The following MYCBP2 variants were observed in gnomAD, a reference collection of about 807,000 sequenced individuals.
The protein encoded by MYCBP2 is E3 ubiquitin-protein ligase MYCBP2.
Under a neutral mutation model 525.3 loss-of-function variants are expected in MYCBP2, and 120 were observed. That is an observed-to-expected ratio of 0.23 (90% CI 0.20 to 0.27). The LOEUF is 0.27. MYCBP2 is among the 10% of genes least tolerant of loss of function. The probability of loss-of-function intolerance (pLI) is 1.00; values close to 1 mark genes in which losing one functional copy is unlikely to be tolerated. For missense variants in MYCBP2, 4,149 were observed against 5,657.1 expected (o/e 0.73, Z 8.55); for synonymous variants, 1,894 against 1,955.8 (o/e 0.97, Z 0.83).
chr13:77,062,964 T>G (rs938287817), intron 73 of MYCBP2, among the ~76,000 whole-genome samples: 2 of 152,226 alleles, frequency 1.3e-5, no homozygotes, highest in Admixed American at 6.5e-5. Context: ...CAAATAAAAT[T>G]ATCCTTTATT....
chr13:77,114,141 T>C (rs917531478), intron 55 of MYCBP2, among the ~76,000 whole-genome samples: 1 of 152,134 alleles, frequency 6.6e-6, no homozygotes, highest in Admixed American at 6.6e-5. Flanking sequence ...GCAGTCTAAA[T>C]ACATTAAGAA....
At chr13:77,254,149 T>G (rs1190019275) in intron 14 of MYCBP2, among the ~76,000 whole-genome samples, 1 of 151,834 alleles carries the variant, frequency 6.6e-6, no homozygotes, top group Non-Finnish European at 1.5e-5. Context: ...AATAACAGAT[T>G]AACACTTATA....
At chr13:77,091,405 C>T (rs1183320238) in intron 59 of MYCBP2, among the ~76,000 whole-genome samples, 2 of 144,208 alleles carry the variant, frequency 1.4e-5, no homozygotes, top group Non-Finnish European at 3.1e-5. Context: ...AAAAATTACA[C>T]AAATTTAAAA....
intron 55 of MYCBP2, among the ~76,000 whole-genome samples, chr13:77,120,201 C>A (rs1470357387): frequency 2.0e-5 from 3 of 151,884 alleles, no homozygotes; most frequent in African/African-American, 2.4e-5. Context: ...GAGAAAGGGA[C>A]ATAAAGAAAA....
intron 15 of MYCBP2, among the ~76,000 whole-genome samples, chr13:77,247,382 C>A (rs1594306702): frequency 6.6e-6 from 1 of 151,960 alleles, no homozygotes; most frequent in South Asian, 2.1e-4. Flanking sequence ...AGTAATTAAC[C>A]AATGAGGTGA....
At chr13:77,185,416 T>A (rs557370262) in intron 31 of MYCBP2, 39 bp from the exon 32 acceptor site, 2 of 1,571,632 alleles carry the variant, frequency 1.3e-6, no homozygotes, top group Non-Finnish European at 1.7e-6. Context: ...TTAAGCAAAA[T>A]ATTAAATATG....
In MYCBP2 at chr13:77,218,049, G is replaced by C. The variant is rs527241831; in HGVS notation, c.2940-92C>G. On this transcript the variant is annotated intron_variant, in intron 20 of 82. Transcript: ENST00000544440. ...AAGCAATGCAACAAGGAGTAGGAAA[G>C]ATAAAAGGCACTCATAAGAATATTC... The C allele has an allele frequency of 2.1e-4, 162 of 760,410 alleles. No individual in the cohort carries two copies. In the African/African-American group the frequency reaches 2.7e-3, roughly 13 times the overall value. The allele number at this position is 760,410 out of a possible 1,614,324, so 47.1% of individuals were successfully genotyped here.
In MYCBP2 at chr13:77,058,436, A is replaced by C. The variant is rs1012745680; in HGVS notation, c.13141-30T>G. ...TAAAGATGAATTACAATGTTACACA[A>C]GTATGTAAAAAAGCACACATTCTGG... On this transcript the variant is annotated intron_variant, in intron 77 of 82. Coordinates refer to ENST00000544440, the MANE Select transcript of MYCBP2 (RefSeq NM_015057.5). The surrounding 1 kb of genome is among the most constrained non-coding windows in gnomAD (Gnocchi z 4.1). 1 of 1,515,348 alleles carries C rather than the reference A, an allele frequency of 6.6e-7. No individual in the cohort carries two copies. The highest frequency in any genetic ancestry group is 2.2e-5 in the Admixed American group (1 of 45,022). The allele number at this position is 1,515,348 out of a possible 1,614,324, so 93.9% of individuals were successfully genotyped here. A position where few individuals can be genotyped will look rare whatever the true frequency, so the allele number is the denominator to read the frequency against.
chr13:77,047,142 C>T (rs1371504166), intron 82 of MYCBP2, among the ~76,000 whole-genome samples: 1 of 152,196 alleles, frequency 6.6e-6, no homozygotes, highest in Non-Finnish European at 1.5e-5. Flanking sequence ...CACAATCCAA[C>T]ATGGTGGTGA....
rs2082371313 is a variant in MYCBP2 at position 77,326,780 on chromosome 13, G to A, written c.-5C>T. 5 of 1,353,256 alleles carry A rather than the reference G, an allele frequency of 3.7e-6. No homozygotes were observed. Among genetic ancestry groups the A allele is most frequent in the Middle Eastern group, 2.7e-4 (1 of 3,722 alleles). The allele number at this position is 1,353,256 out of a possible 1,614,324, so 83.8% of individuals were successfully genotyped here. A position where few individuals can be genotyped will look rare whatever the true frequency, so the allele number is the denominator to read the frequency against. On this transcript the variant is annotated 5_prime_UTR_variant, in exon 1 of 83. Transcript: ENST00000544440. This position sits in a 1 kb window ranked among gnomAD's most constrained non-coding sequence, Gnocchi z 4.2. ...AGTCGCTGCGCACATCATCATCCTC[G>A]CCGCCGCCGCCGCCGCCGCCGCCTC...
chr13:77,316,581 A>G, intron 1 of MYCBP2, among the ~76,000 whole-genome samples: 1 of 152,248 alleles, frequency 6.6e-6, no homozygotes, highest in Middle Eastern at 3.2e-3. Flanking sequence ...AGGCATGGAA[A>G]AAGTTCCTCC....
At chr13:77,270,096 G>A in intron 6 of MYCBP2, 33 bp from the exon 7 acceptor site, 1 of 1,550,574 alleles carries the variant, frequency 6.4e-7, no homozygotes, top group South Asian at 1.2e-5. Context: ...TATATCAGTG[G>A]TTTCATAATT....
chr13:77,055,478 A>G, intron 80 of MYCBP2, 80 bp downstream of exon 80: 4 of 1,105,406 alleles, frequency 3.6e-6, no homozygotes, highest in Non-Finnish European at 3.9e-6. Context: ...GAATAATTAG[A>G]TATCACTGTA....
intron 59 of MYCBP2, among the ~76,000 whole-genome samples, chr13:77,092,123 C>T (rs189097437): frequency 1.6e-3 from 244 of 149,058 alleles, no homozygotes; most frequent in African/African-American, 4.4e-3. Flanking sequence ...TGTCCCATTG[C>T]GCTCATTAAA....
At chr13:77,078,795 G>A (rs372986609) in intron 66 of MYCBP2, 29 bp downstream of exon 66, 151 of 1,599,214 alleles carry the variant, frequency 9.4e-5, no homozygotes, top group Non-Finnish European at 1.1e-4. Flanking sequence ...TCTAGGTAGC[G>A]AAACATTTAA....
intron 22 of MYCBP2, among the ~76,000 whole-genome samples, 162 bp from the exon 23 acceptor site, chr13:77,211,482 C>A (rs1252610023): frequency 6.6e-6 from 1 of 152,040 alleles, no homozygotes; most frequent in East Asian, 1.9e-4. Context: ...AGGAATAAAA[C>A]CTCAAGATGT....
chr13:77,057,611 G>A (rs1056215888), intron 78 of MYCBP2, among the ~76,000 whole-genome samples: 1 of 152,088 alleles, frequency 6.6e-6, no homozygotes, highest in Non-Finnish European at 1.5e-5. Flanking sequence ...ATTAAGAAGA[G>A]CCTTAGCTAC....
chr13:77,078,548 C>T (rs2042729681), intron 66 of MYCBP2, among the ~76,000 whole-genome samples: 1 of 152,090 alleles, frequency 6.6e-6, no homozygotes, highest in Non-Finnish European at 1.5e-5. Flanking sequence ...TTTTAAGATA[C>T]CCTGAGTCTT....
chr13:77,209,606 G>A (rs183659408), intron 23 of MYCBP2, among the ~76,000 whole-genome samples: 19 of 152,072 alleles, frequency 1.2e-4, no homozygotes, highest in African/African-American at 4.6e-4. Flanking sequence ...TTCTAACTTT[G>A]GTTCTTAATA....
Sources: gnomAD v4.1 joint callset for allele counts (sites outside exome capture counted in the v4.1 genomes callset) on GRCh38, gnomAD v4.1.1 for gene constraint, Gnocchi (gnomAD v3.1) non-coding constraint, MANE v1.5 for transcripts, NCBI Gene and HGNC (gene_info 2026-07-23, HGNC 2026-07-21) for gene names.